BLTP3A: variants seen among roughly 807,000 people sequenced by gnomAD.
BLTP3A encodes the protein ICBP90 binding protein 1.
chr6:34,798,717 T>G, the BLTP3A span, among the ~76,000 whole-genome samples: 2 of 151,650 alleles, frequency 1.3e-5, no homozygotes, highest in African/African-American at 4.8e-5. Flanking sequence ...TATCAGAACC[T>G]TGAAAGCATA....
the BLTP3A span, among the ~76,000 whole-genome samples, chr6:34,794,687 G>A: frequency 1.3e-5 from 2 of 152,156 alleles, no homozygotes; most frequent in African/African-American, 4.8e-5. Context: ...ACTTGCCTAA[G>A]TTGCATAGGA....
chr6:34,841,635 T>C, the BLTP3A span, among the ~76,000 whole-genome samples: 65 of 152,296 alleles, frequency 4.3e-4, no homozygotes, highest in African/African-American at 1.6e-3. Context: ...CACACCTGGA[T>C]GTTGGAACTG....
the BLTP3A span, among the ~76,000 whole-genome samples, chr6:34,865,718 G>C: frequency 0.59 from 89,984 of 152,058 alleles, 27,462 homozygotes; most frequent in African/African-American, 0.75. Context: ...TTGAGAATAG[G>C]CATTCTGACA....
chr6:34,807,131 G>T, the BLTP3A span, among the ~76,000 whole-genome samples: 1 of 152,214 alleles, frequency 6.6e-6, no homozygotes, highest in Non-Finnish European at 1.5e-5. Flanking sequence ...TGTCCTAGAT[G>T]TAAGTTTGGG....
the BLTP3A span, among the ~76,000 whole-genome samples, chr6:34,837,921 T>C: frequency 6.6e-6 from 1 of 152,230 alleles, no homozygotes; most frequent in Non-Finnish European, 1.5e-5. Context: ...TTTTTAATGC[T>C]TTCAGAATTC....
At chr6:34,870,265 A>G in the BLTP3A span, among the ~76,000 whole-genome samples, 1 of 152,138 alleles carries the variant, frequency 6.6e-6, no homozygotes, top group Non-Finnish European at 1.5e-5. Context: ...ATTTCTGACA[A>G]TATAATTTCT....
the BLTP3A span, among the ~76,000 whole-genome samples, chr6:34,847,207 G>A: frequency 6.6e-6 from 1 of 151,754 alleles, no homozygotes; most frequent in African/African-American, 2.4e-5. Flanking sequence ...CAGGAAGATC[G>A]GCCTGTAGTT....
chr6:34,792,208 A>G, the BLTP3A span: 4 of 1,528,622 alleles, frequency 2.6e-6, no homozygotes, highest in Admixed American at 2.0e-5. Flanking sequence ...AGGAGGCCAC[A>G]GCTGCCGGCC....
the BLTP3A span, chr6:34,855,805 T>G: frequency 6.4e-7 from 1 of 1,571,482 alleles, no homozygotes; most frequent in Non-Finnish European, 8.7e-7. Context: ...TTGCCAGAGA[T>G]TGCAGTGCAT....
the BLTP3A span, chr6:34,873,148 A>C: frequency 5.3e-5 from 8 of 152,174 alleles, no homozygotes; most frequent in African/African-American, 1.9e-4. Flanking sequence ...TCAGTCATTT[A>C]ATCTTTCCCC....
At chr6:34,795,413 T>C in the BLTP3A span, among the ~76,000 whole-genome samples, 1 of 150,194 alleles carries the variant, frequency 6.7e-6, no homozygotes, top group Non-Finnish European at 1.5e-5. Flanking sequence ...TGTTTTTTTT[T>C]TTGAGACTGA....
At chr6:34,811,680 C>G in the BLTP3A span, among the ~76,000 whole-genome samples, 10 of 111,158 alleles carry the variant, frequency 9.0e-5, no homozygotes, top group Admixed American at 3.4e-4. Context: ...TGAGACCCCC[C>G]CCCCCGCATC....
the BLTP3A span, among the ~76,000 whole-genome samples, chr6:34,807,166 G>A: frequency 0.059 from 8,923 of 152,256 alleles, 514 homozygotes; most frequent in East Asian, 0.33. Flanking sequence ...GGAAGTAAAG[G>A]AAATTAAGGG....
the BLTP3A span, among the ~76,000 whole-genome samples, chr6:34,807,866 C>T: frequency 6.7e-6 from 1 of 149,824 alleles, no homozygotes; most frequent in Non-Finnish European, 1.5e-5. Flanking sequence ...ATGTTGAAAC[C>T]CCATCTCTAC....
At chr6:34,810,142 A>G in the BLTP3A span, among the ~76,000 whole-genome samples, 1 of 152,170 alleles carries the variant, frequency 6.6e-6, no homozygotes, top group Non-Finnish European at 1.5e-5. Flanking sequence ...AGGAAATATC[A>G]AACTATTAAA....
the BLTP3A span, among the ~76,000 whole-genome samples, chr6:34,829,504 C>T: frequency 6.6e-6 from 1 of 152,200 alleles, no homozygotes; most frequent in African/African-American, 2.4e-5. Context: ...TTTAGCTTAA[C>T]ATTATGTTTG....
chr6:34,860,918 C>A, the BLTP3A span, among the ~76,000 whole-genome samples: 11 of 152,156 alleles, frequency 7.2e-5, no homozygotes, highest in Non-Finnish European at 1.3e-4. Context: ...TGCCCAAGCC[C>A]GTGGCCTTTC....
chr6:34,857,652 G>T, the BLTP3A span: 1 of 1,484,190 alleles, frequency 6.7e-7, no homozygotes. Context: ...TCGTAATATA[G>T]TTAATATTAG....
chr6:34,856,446 G>C, the BLTP3A span: 2 of 1,593,242 alleles, frequency 1.3e-6, no homozygotes, highest in Non-Finnish European at 1.7e-6. Context: ...CAGTTGCTTA[G>C]CCTCTTGCCA....
Sources: allele counts gnomAD v4.1 joint callset (sites outside exome capture counted in the v4.1 genomes callset), GRCh38; gene constraint gnomAD v4.1.1; transcripts MANE v1.5; gene names NCBI Gene and HGNC (gene_info 2026-07-23, HGNC 2026-07-21).